Variants in SHISA6 observed in about 807,000 individuals in gnomAD.
SHISA6 encodes shisa family member 6, also known as protein shisa-6.
In SHISA6, 22 loss-of-function variants were observed where a neutral mutation model predicts 47.9. The ratio of observed to expected loss-of-function variants is 0.46; its 90% CI spans 0.33 to 0.66. The LOEUF (loss-of-function observed/expected upper bound fraction) is 0.66, where lower values mean the gene tolerates loss of function less well. Ranked by LOEUF, SHISA6 falls within the 30% of genes least tolerant of loss-of-function variation. The probability of loss-of-function intolerance (pLI) is 0.02; values close to 1 mark genes in which losing one functional copy is unlikely to be tolerated. For synonymous variants in SHISA6, 388 were observed against 337.8 expected, an observed-to-expected ratio of 1.15 and a Z score of -1.63; for missense variants, 680 against 764.6, an observed-to-expected ratio of 0.89 and a Z score of 1.30.
chr17:11,513,144 CATATAT>C (rs2071555300), intron 3 of SHISA6, among the ~76,000 whole-genome samples: 1 of 151,382 alleles, frequency 6.6e-6, no homozygotes. Context: ...ATGATATCTA[CATATAT>C]AAAGTAGCAC....
intron 3 of SHISA6, among the ~76,000 whole-genome samples, chr17:11,546,743 A>C (rs957963742): frequency 2.0e-5 from 3 of 152,196 alleles, no homozygotes; most frequent in African/African-American, 7.2e-5. Flanking sequence ...AACATGGTGA[A>C]ACCATGTCTC....
Position 11,560,106 on chromosome 17 carries a change from T to G in SHISA6, c.*1802T>G. 1 of 152,240 alleles carries G rather than the reference T, an allele frequency of 6.6e-6. No homozygotes were observed. Among genetic ancestry groups the G allele is most frequent in the Non-Finnish European group, 1.5e-5 (1 of 68,068 alleles). The allele number at this position is 152,240 out of a possible 1,614,324, so 9.4% of individuals were successfully genotyped here. A position where few individuals can be genotyped will look rare whatever the true frequency, so the allele number is the denominator to read the frequency against. ...TATTGGTGTCAGCCCTGGAGATTTT[T>G]AATCTAACCAAGTCCACAAACCACA... On this transcript the variant is annotated 3_prime_UTR_variant, in exon 6 of 6. Transcript: ENST00000441885.
At chr17:11,496,992 T>A (rs1285876744) in intron 3 of SHISA6, among the ~76,000 whole-genome samples, 1 of 152,158 alleles carries the variant, frequency 6.6e-6, no homozygotes, top group African/African-American at 2.4e-5. Flanking sequence ...GCCAAAGAAA[T>A]CCCTTTGCAG....
intron 2 of SHISA6, among the ~76,000 whole-genome samples, chr17:11,311,104 C>G (rs973313790): frequency 1.8e-5 from 1 of 54,546 alleles, no homozygotes; most frequent in Non-Finnish European, 3.1e-5. Context: ...GAGACTCCAT[C>G]TCAAAAAAAA....
At chr17:11,299,365 T>G (rs560938668) in intron 2 of SHISA6, among the ~76,000 whole-genome samples, 17 of 149,516 alleles carry the variant, frequency 1.1e-4, no homozygotes, top group Non-Finnish European at 1.8e-4. Context: ...ATTTCTGGTG[T>G]TTTTTTTTTC....
Position 11,562,595 on chromosome 17 carries a change from G to A in SHISA6, c.*4291G>A, listed in dbSNP as rs1348573505. On this transcript the variant is annotated 3_prime_UTR_variant, in exon 6 of 6. Coordinates refer to ENST00000441885, the MANE Select transcript of SHISA6 (RefSeq NM_207386.4). ...ATACTCTAGGAGAAAAAAAGCATAGGGCTGAGGCTCTGAAGACACAGCTTC... is the reference window on the plus strand; with the variant it reads ...ATACTCTAGGAGAAAAAAAGCATAGAGCTGAGGCTCTGAAGACACAGCTTC... The A allele has an allele frequency of 6.6e-6, 1 of 152,082 alleles. No homozygotes were observed. Among genetic ancestry groups the A allele is most frequent in the Non-Finnish European group, 1.5e-5 (1 of 68,038 alleles). 9.4% of individuals were successfully genotyped at this position (152,082 alleles called of 1,614,324 possible).
At position 11,461,410 on chromosome 17, in the gene SHISA6, A is replaced by AAC. The variant is rs1555536847; in HGVS notation, c.895+81902_895+81903insCA. On this transcript the variant is annotated intron_variant, in intron 3 of 5. Coordinates refer to ENST00000441885, the MANE Select transcript of SHISA6 (RefSeq NM_207386.4). ...AGACTCCATCTCAAAAAAAAAAAAA[A>AAC]AAAAAAAAAGGTACCTGGGATTTGT... is the stretch of plus-strand genomic sequence containing the variant. Among the ~76,000 whole-genome samples the AAC allele has an allele frequency of 4.7e-3, 695 of 148,932 alleles. 10 individuals carry two copies. Among genetic ancestry groups the AAC allele is most frequent in the Non-Finnish European group, 4.3e-3 (294 of 67,764 alleles).
At chr17:11,250,812 T>A (rs960745375) in intron 1 of SHISA6, among the ~76,000 whole-genome samples, 2 of 151,796 alleles carry the variant, frequency 1.3e-5, no homozygotes, top group South Asian at 4.2e-4. Context: ...CACAACCCCA[T>A]CACTCATGCA....
At chr17:11,469,185 C>T (rs1197022633) in intron 3 of SHISA6, among the ~76,000 whole-genome samples, 2 of 152,048 alleles carry the variant, frequency 1.3e-5, no homozygotes, top group Non-Finnish European at 2.9e-5. Flanking sequence ...GAATATGGTG[C>T]CTCACCTGGC....
At chr17:11,285,564 G>A (rs1909266271) in intron 2 of SHISA6, among the ~76,000 whole-genome samples, 1 of 152,194 alleles carries the variant, frequency 6.6e-6, no homozygotes, top group Non-Finnish European at 1.5e-5. Context: ...AATTAATCAA[G>A]TTTGATCCAA....
chr17:11,265,986 G>A (rs1908411496), intron 2 of SHISA6, among the ~76,000 whole-genome samples: 1 of 152,156 alleles, frequency 6.6e-6, no homozygotes, highest in Admixed American at 6.5e-5. Context: ...TTAGAGATGG[G>A]AATAGTATCC....
chr17:11,530,214 A>G (rs1468995798), intron 3 of SHISA6, among the ~76,000 whole-genome samples: 1 of 152,148 alleles, frequency 6.6e-6, no homozygotes, highest in African/African-American at 2.4e-5. Context: ...TATTGATAAC[A>G]CCATTGAAAT....
chr17:11,540,895 G>C (rs1348578387), intron 3 of SHISA6, among the ~76,000 whole-genome samples: 8 of 152,188 alleles, frequency 5.3e-5, no homozygotes, highest in Admixed American at 3.9e-4. Flanking sequence ...ACAGCCACCA[G>C]AAAACACAAA....
chr17:11,274,182 G>T, intron 2 of SHISA6, among the ~76,000 whole-genome samples: 1 of 152,148 alleles, frequency 6.6e-6, no homozygotes, highest in East Asian at 1.9e-4. Flanking sequence ...GAGGCAGCCC[G>T]AATTGGGGAC....
chr17:11,437,923 G>C (rs1199296039), intron 3 of SHISA6, among the ~76,000 whole-genome samples: 3 of 152,112 alleles, frequency 2.0e-5, no homozygotes, highest in Non-Finnish European at 2.9e-5. Context: ...GGTGGGGCTG[G>C]TGATGATGAT....
At position 11,318,538 on chromosome 17, in the gene SHISA6, C is replaced by T. The variant is rs559942930; in HGVS notation, c.799+55012C>T. 2.6e-5 allele frequency among the ~76,000 whole-genome samples: 4 copies of T among 152,274 alleles called. No homozygotes were observed. The East Asian group carries it at 7.7e-4, about 29-fold the overall frequency. On this transcript the variant is annotated intron_variant, in intron 2 of 5. Transcript: ENST00000441885. ...GCTTCCCTGACTGGCTACCTGGGCA[C>T]CCTCCTGGCTTGCACTGCTATAACA...
chr17:11,480,398 T>A (rs1916180274), intron 3 of SHISA6, among the ~76,000 whole-genome samples: 1 of 80,252 alleles, frequency 1.2e-5, no homozygotes, highest in Non-Finnish European at 2.7e-5. Context: ...ATTGAGTGAA[T>A]GAGTGAATGA....
chr17:11,351,851 C>T (rs1275594584), intron 2 of SHISA6, among the ~76,000 whole-genome samples: 1 of 152,102 alleles, frequency 6.6e-6, no homozygotes, highest in African/African-American at 2.4e-5. Flanking sequence ...CATACTGCAA[C>T]AATATATACT....
At chr17:11,350,051 C>T (rs1911818105) in intron 2 of SHISA6, among the ~76,000 whole-genome samples, 1 of 151,864 alleles carries the variant, frequency 6.6e-6, no homozygotes. Flanking sequence ...AAACCATGTT[C>T]TCCCCACCTT....
Sources: allele counts gnomAD v4.1 joint callset (sites outside exome capture counted in the v4.1 genomes callset), GRCh38; gene constraint gnomAD v4.1.1; transcripts MANE v1.5; gene names NCBI Gene and HGNC (gene_info 2026-07-23, HGNC 2026-07-21).